The following MAGI2 variants were observed in gnomAD, a reference collection of about 807,000 sequenced individuals.
The protein encoded by MAGI2 is membrane-associated guanylate kinase, WW and PDZ domain-containing protein 2.
A neutral mutation model predicts 133.3 loss-of-function variants in MAGI2; 35 were observed. The observed-to-expected ratio is 0.26, with a 90% CI of 0.20 to 0.35. The LOEUF is 0.35. MAGI2 is among the 10% of genes least tolerant of loss of function. MAGI2 has a pLI of 1.00. For missense variants in MAGI2, 1,636 were observed against 1,863.4 expected, an observed-to-expected ratio of 0.88 and a Z score of 2.25; for synonymous variants, 729 against 710.6, an observed-to-expected ratio of 1.03 and a Z score of -0.41.
chr7:78,806,877 TAAA>T (rs1704284341), intron 2 of MAGI2, among the ~76,000 whole-genome samples: 1 of 102,408 alleles, frequency 9.8e-6, no homozygotes, highest in Non-Finnish European at 2.1e-5. Context: ...CAAAATAAAA[TAAA>T]ATAAAATAAA....
At chr7:79,126,020 G>C (rs906651072) in intron 1 of MAGI2, among the ~76,000 whole-genome samples, 1 of 152,210 alleles carries the variant, frequency 6.6e-6, no homozygotes, top group Non-Finnish European at 1.5e-5. Context: ...TGTATAACAG[G>C]TTATTTTAGT....
At chr7:78,972,572 T>C (rs1261052446) in intron 2 of MAGI2, among the ~76,000 whole-genome samples, 1 of 151,870 alleles carries the variant, frequency 6.6e-6, no homozygotes, top group Non-Finnish European at 1.5e-5. Context: ...TTTAAAATAG[T>C]GCAGAATTGA....
At chr7:78,746,095 T>G (rs1339377909) in intron 2 of MAGI2, among the ~76,000 whole-genome samples, 1 of 152,172 alleles carries the variant, frequency 6.6e-6, no homozygotes, top group Non-Finnish European at 1.5e-5. Flanking sequence ...TCGAAACAAT[T>G]CTGAAGACTA....
intron 1 of MAGI2, among the ~76,000 whole-genome samples, chr7:79,437,729 A>G (rs1443887795): frequency 6.6e-6 from 1 of 152,156 alleles, no homozygotes; most frequent in Non-Finnish European, 1.5e-5. Context: ...TGGCCTTTGA[A>G]TTAAGACTGA....
chr7:79,257,262 T>G (rs1229216960), intron 1 of MAGI2, among the ~76,000 whole-genome samples: 1 of 151,902 alleles, frequency 6.6e-6, no homozygotes, highest in East Asian at 1.9e-4. Context: ...TTTTTAATAA[T>G]AAGAAAAGGA....
intron 2 of MAGI2, among the ~76,000 whole-genome samples, chr7:78,954,968 G>T (rs1424271746): frequency 6.6e-6 from 1 of 152,100 alleles, no homozygotes; most frequent in Non-Finnish European, 1.5e-5. Context: ...CAGTGGTGGT[G>T]ATATGAGGTG....
intron 7 of MAGI2, among the ~76,000 whole-genome samples, chr7:78,362,592 C>T (rs1792939555): frequency 6.6e-6 from 1 of 152,052 alleles, no homozygotes. Context: ...AATGATGCCC[C>T]AAATTATAAA....
intron 2 of MAGI2, among the ~76,000 whole-genome samples, chr7:78,948,934 T>A (rs573285179): frequency 6.6e-6 from 1 of 152,114 alleles, no homozygotes; most frequent in South Asian, 2.1e-4. Flanking sequence ...TCCTAAATTG[T>A]ATACTGAATT....
chr7:78,196,856 C>G (rs141733062), intron 11 of MAGI2, among the ~76,000 whole-genome samples: 1 of 152,292 alleles, frequency 6.6e-6, no homozygotes, highest in Non-Finnish European at 1.5e-5. Flanking sequence ...GATGGAAAAC[C>G]TCTAGTCTAG....
intron 1 of MAGI2, among the ~76,000 whole-genome samples, chr7:79,264,307 T>G (rs1834289801): frequency 6.6e-6 from 1 of 152,212 alleles, no homozygotes; most frequent in Non-Finnish European, 1.5e-5. Flanking sequence ...TATTATATGC[T>G]ATCTGAGATT....
At chr7:78,544,370 C>T (rs1430722240) in intron 3 of MAGI2, among the ~76,000 whole-genome samples, 2 of 152,188 alleles carry the variant, frequency 1.3e-5, no homozygotes, top group African/African-American at 4.8e-5. Flanking sequence ...TAGCACTTTC[C>T]AGCCTTTATA....
intron 3 of MAGI2, chr7:78,614,761 C>A (rs1806890525): frequency 6.6e-6 from 1 of 151,930 alleles, no homozygotes; most frequent in Non-Finnish European, 1.5e-5. Flanking sequence ...ATATTTTATA[C>A]CAAGAGTTGC....
Position 78,019,234 on chromosome 7 carries a change from A to T in MAGI2, c.*81T>A. The T allele has an allele frequency of 6.7e-7, 1 of 1,498,716 alleles. No homozygotes were observed. The highest frequency in any genetic ancestry group is 9.0e-7 in the Non-Finnish European group (1 of 1,112,826). The allele number at this position is 1,498,716 out of a possible 1,614,324, so 92.8% of individuals were successfully genotyped here. On this transcript the variant is annotated 3_prime_UTR_variant, in exon 22 of 22. Transcript: ENST00000354212. ...CGTGGATCTATGCGTGTGACAGTGA[A>T]AATAAATTAAAACGCCGTGAGACGG...
intron 6 of MAGI2, among the ~76,000 whole-genome samples, chr7:78,478,307 T>C (rs1187432517): frequency 6.6e-6 from 1 of 151,932 alleles, no homozygotes; most frequent in Non-Finnish European, 1.5e-5. Context: ...TTAATCTAGT[T>C]TCCCTTAACA....
At chr7:78,723,583 T>C (rs570852823) in intron 2 of MAGI2, among the ~76,000 whole-genome samples, 129 of 152,094 alleles carry the variant, frequency 8.5e-4, no homozygotes, top group Non-Finnish European at 1.5e-3. Context: ...GAAGGGCAAT[T>C]AAGAAGAGGA....
chr7:78,245,332 T>C (rs181738265), intron 10 of MAGI2, among the ~76,000 whole-genome samples: 1 of 152,340 alleles, frequency 6.6e-6, no homozygotes, highest in Admixed American at 6.5e-5. Flanking sequence ...AAGGACATGA[T>C]TGGCTTTGTT....
intron 2 of MAGI2, among the ~76,000 whole-genome samples, chr7:78,880,700 A>C (rs1179646754): frequency 6.6e-6 from 1 of 152,196 alleles, no homozygotes; most frequent in Non-Finnish European, 1.5e-5. Context: ...CAACTCCATG[A>C]TAGAATCAAA....
intron 2 of MAGI2, among the ~76,000 whole-genome samples, chr7:78,734,668 C>T (rs562228982): frequency 6.6e-5 from 10 of 152,250 alleles, no homozygotes; most frequent in South Asian, 4.1e-4. Context: ...TGTATGTTTC[C>T]GCTTTCCTTC....
At chr7:78,299,712 A>C (rs1464325578) in intron 9 of MAGI2, among the ~76,000 whole-genome samples, 1 of 152,114 alleles carries the variant, frequency 6.6e-6, no homozygotes, top group Non-Finnish European at 1.5e-5. Flanking sequence ...CCAGGTATTA[A>C]GCCCGGTATC....
Sources: allele counts gnomAD v4.1 joint callset (sites outside exome capture counted in the v4.1 genomes callset), GRCh38; gene constraint gnomAD v4.1.1; transcripts MANE v1.5; gene names NCBI Gene and HGNC (gene_info 2026-07-23, HGNC 2026-07-21).